Variants in IKBKG observed in about 807,000 individuals in gnomAD.
The protein encoded by IKBKG is inhibitor of nuclear factor kappa B kinase regulatory subunit gamma.
In IKBKG, 2 loss-of-function variants were observed where a neutral mutation model predicts 13.7. The observed-to-expected ratio is 0.15, with a 90% confidence interval of 0.06 to 0.46. The LOEUF (loss-of-function observed/expected upper bound fraction) is 0.46, where lower values mean the gene tolerates loss of function less well. Among genes scored for constraint, IKBKG ranks in the 20% least tolerant of loss-of-function variants. The pLI, the probability that IKBKG is intolerant of heterozygous loss-of-function variation, is 0.98. For missense variants in IKBKG, 53 were observed against 150.3 expected (o/e 0.35, Z 3.39); for synonymous variants, 22 against 64.4 (o/e 0.34, Z 3.15).
upstream of IKBKG, chrX:154,545,608 G>A (rs781842888): frequency 3.0e-4 from 50 of 166,948 alleles, no homozygotes; most frequent in African/African-American, 1.5e-3. Flanking sequence ...GCCGAGGCGG[G>A]CGGATCACTT....
At chrX:154,553,096 G>A (rs1168195183) in intron 2 of IKBKG, among the ~76,000 whole-genome samples, 2 of 112,714 alleles carry the variant, frequency 1.8e-5, no homozygotes, top group Non-Finnish European at 3.8e-5. Flanking sequence ...GGGTGTGGTG[G>A]GGCCTGTAGC....
At chrX:154,542,628 C>T (rs2070548237), upstream of IKBKG, among the ~76,000 whole-genome samples, 2 of 111,917 alleles carry the variant, frequency 1.8e-5, no homozygotes, top group African/African-American at 6.5e-5. Flanking sequence ...CACGTGGGTC[C>T]AGCCTGCCCC....
At chrX:154,542,580 G>T, upstream of IKBKG, 1 of 895,792 alleles carries the variant, frequency 1.1e-6, no homozygotes, top group Non-Finnish European at 1.5e-6. Context: ...CAAGTGTGAG[G>T]TAAGCTGGCC....
chrX:154,545,780 A>G (rs781892555), upstream of IKBKG: 15 of 329,850 alleles, frequency 4.5e-5, no homozygotes, highest in South Asian at 5.6e-4. Context: ...GGTTGCAGTG[A>G]GCCAAGATGG....
upstream of IKBKG, chrX:154,546,291 G>A (rs1483864344): frequency 3.3e-6 from 3 of 913,055 alleles, no homozygotes; most frequent in African/African-American, 5.7e-5. Flanking sequence ...CACTCCTTGT[G>A]AACGGCTGGG....
intron 2 of IKBKG, among the ~76,000 whole-genome samples, chrX:154,552,869 G>C (rs1557235391): frequency 8.9e-6 from 1 of 112,180 alleles, no homozygotes; most frequent in East Asian, 2.8e-4. Context: ...TCAGCTGCAC[G>C]CTCCTGCCCG....
At chrX:154,541,906 T>TGGGCC (rs1337927160) in intron 1 of IKBKG, among the ~76,000 whole-genome samples, 1 of 111,424 alleles carries the variant, frequency 9.0e-6, no homozygotes, top group Non-Finnish European at 1.9e-5. Context: ...CCAGCGGGGG[T>TGGGCC]GGGCCATCCC....
chrX:154,546,829 A>C (rs2070739617), upstream of IKBKG: 7 of 1,158,296 alleles, frequency 6.0e-6, no homozygotes, highest in Non-Finnish European at 8.0e-6. Flanking sequence ...CGCAGCCCCG[A>C]AGTGTACGAC....
chrX:154,552,886 G>A (rs1336160909), intron 2 of IKBKG, among the ~76,000 whole-genome samples: 2 of 112,227 alleles, frequency 1.8e-5, no homozygotes, highest in Non-Finnish European at 3.8e-5. Flanking sequence ...CCCGCGCCCT[G>A]GGCGTGATGG....
chrX:154,546,068 C>T (rs367607992), upstream of IKBKG: 1 of 1,211,398 alleles, frequency 8.3e-7, no homozygotes. Flanking sequence ...ATGTGTGTAT[C>T]CGACTGATGG....
intron 7 of IKBKG, 110 bp downstream of exon 7, chrX:154,563,063 T>G (rs2071145847): frequency 2.5e-6 from 1 of 405,108 alleles, no homozygotes; most frequent in Non-Finnish European, 4.2e-6. Flanking sequence ...TTGCTCTTGT[T>G]GCCCAGGCTG....
upstream of IKBKG, chrX:154,542,573 G>A (rs1557232238): frequency 2.1e-6 from 2 of 932,804 alleles, no homozygotes; most frequent in African/African-American, 4.1e-5. Context: ...GTGTGGGCAA[G>A]TGTGAGGTAA....
chrX:154,547,257 G>T, upstream of IKBKG: 1 of 679,824 alleles, frequency 1.5e-6, no homozygotes, highest in Non-Finnish European at 1.8e-6. Flanking sequence ...CTGTCCCTCG[G>T]CTCCTGGGCG....
chrX:154,542,354 G>C (rs1420498266), exon 2 of IKBKG: 1 of 1,205,429 alleles, frequency 8.3e-7, no homozygotes, highest in Admixed American at 2.2e-5. Context: ...CTCACTCCCT[G>C]TGAAGCTCTC....
At chrX:154,547,589 T>G (rs2070783408), upstream of IKBKG, 1 of 753,744 alleles carries the variant, frequency 1.3e-6, no homozygotes. Context: ...GGGCTTGTGT[T>G]TTTACTTCCG....
At chrX:154,545,883 G>A, upstream of IKBKG, 8 of 663,272 alleles carry the variant, frequency 1.2e-5, no homozygotes, top group Admixed American at 2.5e-5. Context: ...TGCACACCAG[G>A]TAGAGCCGGG....
intron 1 of IKBKG, 96 bp from the exon 2 acceptor site, chrX:154,551,892 C>A: frequency 1.6e-6 from 1 of 638,603 alleles, no homozygotes; most frequent in Non-Finnish European, 2.2e-6. Context: ...GAATTATCAG[C>A]ATTCTGTTTA....
At chrX:154,553,014 T>C (rs1212374211) in intron 2 of IKBKG, among the ~76,000 whole-genome samples, 1 of 112,588 alleles carries the variant, frequency 8.9e-6, no homozygotes, top group Non-Finnish European at 1.9e-5. Context: ...GCCTTTCTGC[T>C]GCGGGGGCCT....
At chrX:154,555,397 C>G (rs1353430247) in intron 2 of IKBKG, among the ~76,000 whole-genome samples, 1 of 111,908 alleles carries the variant, frequency 8.9e-6, no homozygotes, top group African/African-American at 3.3e-5. Context: ...CAAATGAATT[C>G]GAGTCACTTA....
Sources: allele counts gnomAD v4.1 joint callset (sites outside exome capture counted in the v4.1 genomes callset), GRCh38; gene constraint gnomAD v4.1.1; transcripts MANE v1.5; gene names NCBI Gene and HGNC (gene_info 2026-07-23, HGNC 2026-07-21).